PROC: variants seen among roughly 807,000 people sequenced by gnomAD.
PROC encodes vitamin K-dependent protein C.
A neutral mutation model predicts 36.3 loss-of-function variants in PROC; 22 were observed. The ratio of observed to expected loss-of-function variants is 0.61; its 90% CI spans 0.43 to 0.86. The LOEUF (loss-of-function observed/expected upper bound fraction) is 0.86, where lower values mean the gene tolerates loss of function less well. Among genes scored for constraint, PROC ranks in the 40% least tolerant of loss-of-function variants. The pLI, the probability that PROC is intolerant of heterozygous loss-of-function variation, is 0.00. For synonymous variants in PROC, 218 were observed against 244.5 expected, an observed-to-expected ratio of 0.89 and a Z score of 1.01; for missense variants, 526 against 629.7, an observed-to-expected ratio of 0.84 and a Z score of 1.76.
chr2:127,424,269 A>C (rs1012644028), intron 6 of PROC, among the ~76,000 whole-genome samples: 1 of 151,608 alleles, frequency 6.6e-6, no homozygotes, highest in Non-Finnish European at 1.5e-5. Context: ...ACGTGATCTC[A>C]GCTCACCACA....
In PROC at chr2:127,427,197, G is replaced by A. The variant is rs1398618144; in HGVS notation, c.771G>A (p.Glu257=). 1 of 1,613,210 alleles carries A rather than the reference G, an allele frequency of 6.2e-7. No individual in the cohort carries two copies. The highest frequency in any genetic ancestry group is 8.5e-7 in the Non-Finnish European group (1 of 1,179,942). Residue 257 remains glutamate, a synonymous_variant, in exon 8 of 9, where the codon GAG becomes GAA. Coordinates refer to ENST00000234071, the MANE Select transcript of PROC (RefSeq NM_000312.4). ...WVLTAAHCMD[E]SKKLLVRLGE... ...TGACAGCGGCCCACTGCATGGATGA[G>A]TCCAAGAAGCTCCTTGTCAGGCTTG...
chr2:127,419,819 G>C, intron 1 of PROC, 103 bp from the exon 2 acceptor site: 1 of 1,588,368 alleles, frequency 6.3e-7, no homozygotes, highest in Non-Finnish European at 8.6e-7. Context: ...CCGCCCTGAC[G>C]GCCAGCACAC....
In PROC at chr2:127,427,128, G is replaced by A. The variant is rs1382362525; in HGVS notation, c.702G>A (p.Lys234=). The A allele has an allele frequency of 6.8e-6, 11 of 1,613,846 alleles. No individual in the cohort carries two copies. The highest frequency in any genetic ancestry group is 1.3e-5 in the African/African-American group (1 of 74,948). Residue 234 remains lysine, a synonymous_variant, in exon 8 of 9, where the codon AAG becomes AAA. Coordinates refer to ENST00000234071, the MANE Select transcript of PROC (RefSeq NM_000312.4). Reference sequence around the variant, plus strand: ...AGGTGGTCCTGCTGGACTCAAAGAAGAAGCTGGCCTGCGGGGCAGTGCTCA... The same window carrying A: ...AGGTGGTCCTGCTGGACTCAAAGAAAAAGCTGGCCTGCGGGGCAGTGCTCA... ...PWQVVLLDSK[K]KLACGAVLIH... is the part of the protein sequence containing the mutation.
rs774640296 is a variant in PROC at position 127,426,640 on chromosome 2, C to T, written c.678+413C>T. On this transcript the variant is annotated intron_variant, in intron 7 of 8. Coordinates refer to ENST00000234071, the MANE Select transcript of PROC (RefSeq NM_000312.4). This position sits in a 1 kb window ranked among gnomAD's most constrained non-coding sequence, Gnocchi z 7.0. ...CTGCCAGGCATGGGGGAGATAGGAA[C>T]CAACAAGTGGGAGTATTTGCCCTGG... 3.0e-6 allele frequency: 1 copy of T among 332,244 alleles called. No individual in the cohort carries two copies. The highest frequency in any genetic ancestry group is 5.8e-6 in the Non-Finnish European group (1 of 172,342). 20.6% of individuals were successfully genotyped at this position (332,244 alleles called of 1,614,324 possible).
chr2:127,420,042 C>G (rs374596592), intron 2 of PROC, 30 bp downstream of exon 2: 38 of 1,610,654 alleles, frequency 2.4e-5, no homozygotes, highest in African/African-American at 1.3e-4. Context: ...ACCCCGGGAC[C>G]CTTGTGGCCT....
Position 127,421,283 on chromosome 2 carries a change from A to T in PROC, c.71A>T (p.Asp24Val). The T allele has an allele frequency of 6.2e-7, 1 of 1,613,362 alleles. No homozygotes were observed. Reference protein sequence around the residue: ...WGISGTPAPLDSVFSSSERAH... With the variant: ...WGISGTPAPLVSVFSSSERAH... ...GAGCTCCCCCTCCCTCCAAAACCAG[A>T]CTCAGTGTTCTCCAGCAGCGAGCGT... Residue 24 changes from aspartate to valine, a missense_variant and splice_region_variant, in exon 3 of 9, where the codon GAC becomes GTC. Coordinates refer to ENST00000234071, the MANE Select transcript of PROC (RefSeq NM_000312.4).
rs953135591 is a variant in PROC, at chr2:127,427,085, A to G, written c.679-20A>G. On this transcript the variant is annotated intron_variant, in intron 7 of 8. Coordinates refer to ENST00000234071, the MANE Select transcript of PROC (RefSeq NM_000312.4). ...TGTCAGGAGGCAGCCCTGTGATGTC[A>G]TCATCCCACCCCATTCCAGGTGGTC... 6.2e-7 allele frequency: 1 copy of G among 1,608,166 alleles called. No individual in the cohort carries two copies. Among genetic ancestry groups the G allele is most frequent in the Non-Finnish European group, 8.5e-7 (1 of 1,174,844 alleles).
At position 127,426,258 on chromosome 2, in the gene PROC, G is replaced by A. The variant is rs371227039; in HGVS notation, c.678+31G>A. 1.5e-5 allele frequency: 24 copies of A among 1,613,638 alleles called. No homozygotes were observed. Among genetic ancestry groups the A allele is most frequent in the African/African-American group, 5.3e-5 (4 of 74,942 alleles). On this transcript the variant is annotated intron_variant, in intron 7 of 8. Coordinates refer to ENST00000234071, the MANE Select transcript of PROC (RefSeq NM_000312.4). This position sits in a 1 kb window ranked among gnomAD's most constrained non-coding sequence, Gnocchi z 7.0. ...AGGCGAGGCAGCACCGGCTGCTCACGTGCTGGGTCCGGGATCACTGAGTCC... is the reference window on the plus strand; with the variant it reads ...AGGCGAGGCAGCACCGGCTGCTCACATGCTGGGTCCGGGATCACTGAGTCC...
intron 8 of PROC, 46 bp downstream of exon 8, chr2:127,427,268 AGGGGGACCAGGCAGGCTGTTCAGGTTT>A (rs773234319): frequency 5.2e-6 from 8 of 1,535,500 alleles, no homozygotes; most frequent in Non-Finnish European, 7.2e-6. Flanking sequence ...AGGCCTGGGT[AGGGGGACCAGGCAGGCTGTTCAGGTTT>A]GGGGGACCCC....
At position 127,426,622 on chromosome 2, in the gene PROC, G is replaced by A; in HGVS notation, c.678+395G>A. On this transcript the variant is annotated intron_variant, in intron 7 of 8. Transcript: ENST00000234071. This position sits in a 1 kb window ranked among gnomAD's most constrained non-coding sequence, Gnocchi z 7.0. ...CTTACTGGGTTCCCCTCTCTGCCAG[G>A]CATGGGGGAGATAGGAACCAACAAG... 2.9e-6 allele frequency: 1 copy of A among 345,724 alleles called. No individual in the cohort carries two copies. The highest frequency in any genetic ancestry group is 5.6e-6 in the Non-Finnish European group (1 of 180,154). 21.4% of individuals were successfully genotyped at this position (345,724 alleles called of 1,614,324 possible).
intron 7 of PROC, 90 bp from the exon 8 acceptor site, chr2:127,427,015 A>G: frequency 5.4e-6 from 6 of 1,111,058 alleles, no homozygotes; most frequent in Non-Finnish European, 8.3e-6. Flanking sequence ...TGACCAGGGA[A>G]CCCAGGAAAG....
In PROC at chr2:127,428,904, C is replaced by A; in HGVS notation, c.1344C>A (p.His448Gln). Residue 448 changes from histidine to glutamine, a missense_variant, in exon 9 of 9, where the codon CAC becomes CAA. Physicochemically the swap from His to Gln is conservative, Grantham distance 24. Transcript: ENST00000234071. Reference sequence around the variant, plus strand: ...GCTACCTCGACTGGATCCATGGGCACATCAGAGACAAGGAAGCCCCCCAGA... The same window carrying A: ...GCTACCTCGACTGGATCCATGGGCAAATCAGAGACAAGGAAGCCCCCCAGA... Reference protein sequence around the residue: ...VSRYLDWIHGHIRDKEAPQKS... With the variant: ...VSRYLDWIHGQIRDKEAPQKS... 6.2e-7 allele frequency: 1 copy of A among 1,613,978 alleles called. No homozygotes were observed. Among genetic ancestry groups the A allele is most frequent in the Non-Finnish European group, 8.5e-7 (1 of 1,180,020 alleles).
intron 8 of PROC, among the ~76,000 whole-genome samples, chr2:127,427,621 G>C (rs1284248940): frequency 6.6e-6 from 1 of 152,176 alleles, no homozygotes; most frequent in Non-Finnish European, 1.5e-5. Flanking sequence ...GAGCTGTACA[G>C]AGGGAGCCCT....
intron 2 of PROC, among the ~76,000 whole-genome samples, chr2:127,420,371 C>T (rs1196252140): frequency 6.6e-6 from 1 of 152,168 alleles, no homozygotes; most frequent in African/African-American, 2.4e-5. Context: ...AGCACAGCCT[C>T]CCCTACTCAA....
At chr2:127,423,654 G>C (rs527709311) in intron 6 of PROC, 2 of 503,550 alleles carry the variant, frequency 4.0e-6, no homozygotes, top group African/African-American at 3.7e-5. Context: ...GCCTTCCTCC[G>C]GGCGCCCCCT....
intron 3 of PROC, among the ~76,000 whole-genome samples, chr2:127,422,499 C>T (rs1411346573): frequency 6.6e-6 from 1 of 152,250 alleles, no homozygotes; most frequent in Non-Finnish European, 1.5e-5. Flanking sequence ...ATCCTCCCAA[C>T]TCTGAAAAAC....
At position 127,418,983 on chromosome 2, in the gene PROC, C is replaced by G. The variant is rs977534138; in HGVS notation, c.-22+491C>G. ...TTGGGGCAGGGGTTGAATTTCCAGG[C>G]CTAAAACCACACAGGCCTGGCCTTG... On this transcript the variant is annotated intron_variant, in intron 1 of 8. Coordinates refer to ENST00000234071, the MANE Select transcript of PROC (RefSeq NM_000312.4). The surrounding 1 kb of genome is among the most constrained non-coding windows in gnomAD (Gnocchi z 4.8). Among the ~76,000 whole-genome samples, 1 of 152,118 alleles carries G rather than the reference C, an allele frequency of 6.6e-6. No homozygotes were observed. Among genetic ancestry groups the G allele is most frequent in the Non-Finnish European group, 1.5e-5 (1 of 68,026 alleles).
chr2:127,425,760 G>T (rs1688451822), intron 6 of PROC, among the ~76,000 whole-genome samples: 1 of 147,664 alleles, frequency 6.8e-6, no homozygotes, highest in Non-Finnish European at 1.5e-5. Flanking sequence ...TTTGTAATTT[G>T]TATCTCAGGG....
At chr2:127,427,017 C>A in intron 7 of PROC, 88 bp from the exon 8 acceptor site, 1 of 1,146,732 alleles carries the variant, frequency 8.7e-7, no homozygotes, top group South Asian at 1.2e-5. Context: ...ACCAGGGAAC[C>A]CAGGAAAGTG....
Sources: allele counts gnomAD v4.1 joint callset (sites outside exome capture counted in the v4.1 genomes callset), GRCh38; gene constraint gnomAD v4.1.1; non-coding constraint Gnocchi (gnomAD v3.1); transcripts MANE v1.5; gene names NCBI Gene and HGNC (gene_info 2026-07-23, HGNC 2026-07-21).